The following GRIK2 variants were observed in gnomAD, a reference collection of about 807,000 sequenced individuals.
GRIK2 encodes the protein glutamate ionotropic receptor kainate type subunit 2, also known as glutamate receptor ionotropic, kainate 2.
A neutral mutation model predicts 100.3 loss-of-function variants in GRIK2; 32 were observed. The ratio of observed to expected loss-of-function variants is 0.32; its 90% CI spans 0.24 to 0.43. GRIK2 has a LOEUF of 0.43. Ranked by LOEUF, GRIK2 falls within the 20% of genes least tolerant of loss-of-function variation. The probability of loss-of-function intolerance (pLI) is 1.00; values close to 1 mark genes in which losing one functional copy is unlikely to be tolerated. For synonymous variants in GRIK2, 417 were observed against 389.4 expected (o/e 1.07, Z -0.83); for missense variants, 843 against 1,114.9 (o/e 0.76, Z 3.47).
chr6:101,497,307 A>G (rs547901751), intron 2 of GRIK2, among the ~76,000 whole-genome samples: 27 of 152,314 alleles, frequency 1.8e-4, no homozygotes, highest in Non-Finnish European at 3.4e-4. Context: ...CCATAATGTC[A>G]GGGATAATGT....
chr6:101,940,636 A>G (rs1165784283), intron 14 of GRIK2, among the ~76,000 whole-genome samples: 1 of 152,128 alleles, frequency 6.6e-6, no homozygotes, highest in Non-Finnish European at 1.5e-5. Flanking sequence ...TTTACTAGCC[A>G]TTAGAGAAAC....
chr6:101,398,660 T>G (rs78416797), intron 1 of GRIK2: 6,450 of 187,210 alleles, frequency 0.034, 126 homozygotes, highest in Non-Finnish European at 0.044. Context: ...TCTCAGCAAA[T>G]ACTCATGGAA....
rs761767301 is a variant in GRIK2, at chr6:101,823,824, G to A, written c.1317+5341G>A. ...TGTTTGTTTATTTCTATGGGTTTTC[G>A]GGGGAACAGGTGATGTTTGTTTACA... is the stretch of plus-strand genomic sequence containing the variant. On this transcript the variant is annotated intron_variant, in intron 10 of 16. Transcript: ENST00000369134. 3.8e-4 allele frequency among the ~76,000 whole-genome samples: 57 copies of A among 150,072 alleles called. 1 individual carries two copies. The highest frequency in any genetic ancestry group is 9.3e-4 in the Admixed American group (14 of 15,016).
intron 7 of GRIK2, among the ~76,000 whole-genome samples, chr6:101,756,062 C>T (rs557700157): frequency 4.6e-5 from 7 of 152,206 alleles, no homozygotes; most frequent in African/African-American, 1.4e-4. Flanking sequence ...ACTCCCTCCC[C>T]CCCAGGTTTT....
At chr6:101,736,817 C>T (rs1775668463) in intron 7 of GRIK2, among the ~76,000 whole-genome samples, 3 of 152,108 alleles carry the variant, frequency 2.0e-5, no homozygotes, top group Non-Finnish European at 4.4e-5. Flanking sequence ...AATTTATGCT[C>T]AGAATATGGA....
intron 15 of GRIK2, among the ~76,000 whole-genome samples, chr6:102,045,070 A>C (rs1014474298): frequency 6.6e-6 from 1 of 152,018 alleles, no homozygotes; most frequent in Non-Finnish European, 1.5e-5. Context: ...ATTTTTACCC[A>C]TACTGTCTCA....
intron 2 of GRIK2, among the ~76,000 whole-genome samples, chr6:101,578,317 A>G (rs1284787598): frequency 6.6e-6 from 1 of 152,192 alleles, no homozygotes; most frequent in African/African-American, 2.4e-5. Context: ...CAGCAGTACC[A>G]GGTTAAATCT....
intron 2 of GRIK2, among the ~76,000 whole-genome samples, chr6:101,459,093 G>A (rs1771159750): frequency 9.8e-6 from 1 of 101,932 alleles, no homozygotes; most frequent in Non-Finnish European, 1.9e-5. Flanking sequence ...TAAAGCTAAG[G>A]TCCCCAGAAC....
chr6:101,497,669 G>T (rs1198106254), intron 2 of GRIK2, among the ~76,000 whole-genome samples: 1 of 151,996 alleles, frequency 6.6e-6, no homozygotes, highest in East Asian at 1.9e-4. Context: ...GTACTAGAGA[G>T]ATATTTCTTA....
chr6:101,723,822 TCTAA>T (rs1204277146), intron 7 of GRIK2, among the ~76,000 whole-genome samples: 1 of 152,060 alleles, frequency 6.6e-6, no homozygotes, highest in Non-Finnish European at 1.5e-5. Context: ...TTTCTCTCTT[TCTAA>T]CTGATTGTCA....
chr6:101,935,193 G>A (rs1375779661), intron 14 of GRIK2, among the ~76,000 whole-genome samples: 1 of 151,866 alleles, frequency 6.6e-6, no homozygotes, highest in Non-Finnish European at 1.5e-5. Context: ...ATGACAATTA[G>A]AAATTCTTTA....
chr6:101,808,306 A>G (rs1781127927), intron 9 of GRIK2, among the ~76,000 whole-genome samples: 1 of 152,194 alleles, frequency 6.6e-6, no homozygotes, highest in Non-Finnish European at 1.5e-5. Flanking sequence ...AAGATGAGCT[A>G]CCTAGAAGCC....
At chr6:101,523,532 A>G (rs1218210025) in intron 2 of GRIK2, among the ~76,000 whole-genome samples, 5 of 152,156 alleles carry the variant, frequency 3.3e-5, no homozygotes, top group Non-Finnish European at 1.5e-5. Flanking sequence ...ATGAAGTAAC[A>G]TTTGATCTGG....
At chr6:101,818,215 G>A (rs1266098775) in intron 9 of GRIK2, among the ~76,000 whole-genome samples, 155 bp from the exon 10 acceptor site, 5 of 152,182 alleles carry the variant, frequency 3.3e-5, no homozygotes, top group South Asian at 2.1e-4. Flanking sequence ...TCACAGAGCC[G>A]TGAATCATGC....
intron 2 of GRIK2, among the ~76,000 whole-genome samples, chr6:101,569,783 A>G (rs1259516348): frequency 6.6e-6 from 1 of 152,096 alleles, no homozygotes; most frequent in African/African-American, 2.4e-5. Context: ...TTTCGGAAGG[A>G]ATGATTGTAA....
Position 102,034,906 on chromosome 6 carries a change from C to T in GRIK2, c.2086-435C>T, listed in dbSNP as rs1224602699. Among the ~76,000 whole-genome samples, 6 of 151,308 alleles carry T rather than the reference C, an allele frequency of 4.0e-5. No individual in the cohort carries two copies. The East Asian group carries it at 1.2e-3, about 29-fold the overall frequency. On this transcript the variant is annotated intron_variant, in intron 14 of 16. Coordinates refer to ENST00000369134, the MANE Select transcript of GRIK2 (RefSeq NM_021956.5). ...CCCAAGTTGGGGGAAAACAAACAAA[C>T]TCTTGGAGTCTTACAGTGTCAATCT...
chr6:101,494,406 C>T (rs938062132), intron 2 of GRIK2, among the ~76,000 whole-genome samples: 1 of 151,800 alleles, frequency 6.6e-6, no homozygotes, highest in Non-Finnish European at 1.5e-5. Context: ...GGCTAAACTA[C>T]TCAGTTATTT....
At chr6:101,530,175 T>G (rs1216505202) in intron 2 of GRIK2, among the ~76,000 whole-genome samples, 2 of 152,012 alleles carry the variant, frequency 1.3e-5, no homozygotes, top group Non-Finnish European at 2.9e-5. Flanking sequence ...AACATGCTGG[T>G]GCATTAAAGA....
intron 2 of GRIK2, among the ~76,000 whole-genome samples, chr6:101,618,091 T>TA (rs1779983934): frequency 1.3e-5 from 2 of 151,752 alleles, no homozygotes; most frequent in Non-Finnish European, 3.0e-5. Context: ...TTTACCTTTA[T>TA]AAGCATCACT....
Sources: allele counts gnomAD v4.1 joint callset (sites outside exome capture counted in the v4.1 genomes callset), GRCh38; gene constraint gnomAD v4.1.1; transcripts MANE v1.5; gene names NCBI Gene and HGNC (gene_info 2026-07-23, HGNC 2026-07-21).